CDIN1: variants seen among roughly 807,000 people sequenced by gnomAD.
CDIN1 encodes CDAN1 interacting nuclease 1, also known as CDAN1-interacting nuclease 1.
Under a neutral mutation model 45.3 loss-of-function variants are expected in CDIN1, and 33 were observed. That is an observed-to-expected ratio of 0.73 (90% CI 0.55 to 0.97). The LOEUF (loss-of-function observed/expected upper bound fraction) is 0.97, where lower values mean the gene tolerates loss of function less well. CDIN1 is among the 50% of genes least tolerant of loss of function. The probability of loss-of-function intolerance (pLI) is 0.00; values close to 1 mark genes in which losing one functional copy is unlikely to be tolerated. For missense variants in CDIN1, 303 were observed against 339.4 expected (o/e 0.89, Z 0.84); for synonymous variants, 118 against 124.4 (o/e 0.95, Z 0.34).
chr15:36,717,696 G>C (rs1472960528), intron 10 of CDIN1, among the ~76,000 whole-genome samples: 1 of 152,006 alleles, frequency 6.6e-6, no homozygotes, highest in Non-Finnish European at 1.5e-5. Context: ...TCATACCTGG[G>C]AATGAAATGA....
intron 10 of CDIN1, among the ~76,000 whole-genome samples, chr15:36,762,051 A>C (rs944583168): frequency 6.6e-6 from 1 of 152,182 alleles, no homozygotes; most frequent in Non-Finnish European, 1.5e-5. Context: ...GAATATCAGT[A>C]GGACCAACCT....
chr15:36,644,199 A>G, intron 1 of CDIN1, 79 bp from the exon 2 acceptor site: 1 of 1,384,510 alleles, frequency 7.2e-7, no homozygotes, highest in South Asian at 1.2e-5. Flanking sequence ...CAGCAGGCCT[A>G]CCTTTGAAGC....
chr15:36,757,835 T>A (rs1469429612), intron 10 of CDIN1, among the ~76,000 whole-genome samples: 2 of 152,040 alleles, frequency 1.3e-5, no homozygotes, highest in Non-Finnish European at 2.9e-5. Context: ...CTTCATCTCA[T>A]CATGTGGACA....
chr15:36,736,168 A>G (rs1449658478), intron 10 of CDIN1, among the ~76,000 whole-genome samples: 1 of 152,194 alleles, frequency 6.6e-6, no homozygotes, highest in Non-Finnish European at 1.5e-5. Context: ...GAACTCCCAC[A>G]TAGAACTGCT....
In CDIN1 at chr15:36,579,642, A is replaced by G. The variant is rs2036941730; in HGVS notation, c.-219A>G. The G allele has an allele frequency of 3.9e-6, 2 of 519,094 alleles. No individual in the cohort carries two copies. The highest frequency in any genetic ancestry group is 3.8e-5 in the African/African-American group (2 of 51,976). 32.2% of individuals were successfully genotyped at this position (519,094 alleles called of 1,614,324 possible). A position where few individuals can be genotyped will look rare whatever the true frequency, so the allele number is the denominator to read the frequency against. On this transcript the variant is annotated 5_prime_UTR_variant, in exon 1 of 11. Coordinates refer to ENST00000566621, the MANE Select transcript of CDIN1 (RefSeq NM_001321759.2). ...AGCTAGGGCACTCTGGTGTACAGCC[A>G]GTCCCCGCCGCGGAGGTGCCGGTGG...
At chr15:36,617,470 G>A (rs956482684) in intron 1 of CDIN1, 2 of 956,250 alleles carry the variant, frequency 2.1e-6, no homozygotes, top group South Asian at 2.6e-5. Flanking sequence ...GAAACAATTA[G>A]AATTCTGGTT....
chr15:36,808,489 G>T lies in CDIN1; in HGVS notation c.*36G>T, dbSNP rs1159668311. 4 of 1,610,034 alleles carry T rather than the reference G, an allele frequency of 2.5e-6. No individual in the cohort carries two copies. The highest frequency in any genetic ancestry group is 3.4e-6 in the Non-Finnish European group (4 of 1,177,836). On this transcript the variant is annotated 3_prime_UTR_variant, in exon 11 of 11. Coordinates refer to ENST00000566621, the MANE Select transcript of CDIN1 (RefSeq NM_001321759.2). Reference sequence around the variant, plus strand: ...CCTGGAAGAGAAGCTGGGAGGAAAAGGTGAATCCGGAAGCAATTTTACTTT... The same window carrying T: ...CCTGGAAGAGAAGCTGGGAGGAAAATGTGAATCCGGAAGCAATTTTACTTT...
chr15:36,653,971 G>A, intron 3 of CDIN1, 127 bp from the exon 4 acceptor site: 2 of 647,550 alleles, frequency 3.1e-6, no homozygotes, highest in Non-Finnish European at 5.3e-6. Context: ...TATGAAAGTA[G>A]CTTACTTTAA....
chr15:36,787,121 G>A (rs974979316), intron 10 of CDIN1, among the ~76,000 whole-genome samples: 1 of 151,984 alleles, frequency 6.6e-6, no homozygotes, highest in Non-Finnish European at 1.5e-5. Flanking sequence ...TTTTATTTTT[G>A]TTTTTTATTT....
intron 10 of CDIN1, among the ~76,000 whole-genome samples, chr15:36,738,078 G>A (rs1756262820): frequency 6.6e-6 from 1 of 151,978 alleles, no homozygotes; most frequent in Non-Finnish European, 1.5e-5. Flanking sequence ...TCTTCTAACT[G>A]TTCTCTTTAT....
chr15:36,734,231 C>T, intron 10 of CDIN1: 1 of 233,546 alleles, frequency 4.3e-6, no homozygotes, highest in Non-Finnish European at 8.9e-6. Context: ...GTCCTTTTAC[C>T]CAAATTAAAG....
chr15:36,645,518 G>GTA (rs2040289169), intron 3 of CDIN1, among the ~76,000 whole-genome samples: 1 of 151,658 alleles, frequency 6.6e-6, no homozygotes, highest in Non-Finnish European at 1.5e-5. Context: ...GTGTGTGTGT[G>GTA]TGTGTGTGTG....
intron 1 of CDIN1, among the ~76,000 whole-genome samples, chr15:36,589,024 G>A (rs1467579577): frequency 2.6e-5 from 4 of 152,010 alleles, no homozygotes; most frequent in Admixed American, 1.3e-4. Context: ...AGTTTACTAA[G>A]TAATAACCCT....
At chr15:36,609,504 G>C (rs984241040) in intron 1 of CDIN1, among the ~76,000 whole-genome samples, 1 of 152,200 alleles carries the variant, frequency 6.6e-6, no homozygotes, top group Non-Finnish European at 1.5e-5. Context: ...GCTCACACCT[G>C]TAATCCCAGC....
intron 10 of CDIN1, 73 bp downstream of exon 10, chr15:36,710,034 T>C: frequency 8.5e-7 from 1 of 1,175,082 alleles, no homozygotes; most frequent in South Asian, 1.7e-5. Flanking sequence ...AATATTTTGT[T>C]TAGCTGGTAA....
chr15:36,723,678 C>T (rs867043546), intron 10 of CDIN1, among the ~76,000 whole-genome samples: 1 of 152,202 alleles, frequency 6.6e-6, no homozygotes, highest in Non-Finnish European at 1.5e-5. Flanking sequence ...GATCTTCCCA[C>T]CTCTGTCTCC....
At chr15:36,741,159 A>G (rs549675912) in intron 10 of CDIN1, among the ~76,000 whole-genome samples, 142 of 152,276 alleles carry the variant, frequency 9.3e-4, no homozygotes, top group Non-Finnish European at 1.9e-3. Flanking sequence ...AATAGTGACA[A>G]TTAATTCTGT....
chr15:36,734,990 AC>A (rs1457821825), intron 10 of CDIN1, among the ~76,000 whole-genome samples: 6 of 152,184 alleles, frequency 3.9e-5, no homozygotes, highest in Non-Finnish European at 7.4e-5. Flanking sequence ...GGATGTAGCC[AC>A]TAAAAATGTC....
At chr15:36,727,591 A>G (rs944436413) in intron 10 of CDIN1, among the ~76,000 whole-genome samples, 1 of 152,224 alleles carries the variant, frequency 6.6e-6, no homozygotes, top group South Asian at 2.1e-4. Context: ...ATATTTTGAT[A>G]GATGATCTAA....
Sources: allele counts gnomAD v4.1 joint callset (sites outside exome capture counted in the v4.1 genomes callset), GRCh38; gene constraint gnomAD v4.1.1; transcripts MANE v1.5; gene names NCBI Gene and HGNC (gene_info 2026-07-23, HGNC 2026-07-21).